The following ASIC2 variants were observed in gnomAD, a reference collection of about 807,000 sequenced individuals.
ASIC2 encodes the protein acid-sensing ion channel 2.
ASIC2 carries 25 observed loss-of-function variants against 57.3 expected under a neutral mutation model. The observed-to-expected ratio is 0.44, with a 90% confidence interval of 0.32 to 0.61. The LOEUF is 0.61. ASIC2 is among the 20% of genes least tolerant of loss of function. The pLI, the probability that ASIC2 is intolerant of heterozygous loss-of-function variation, is 0.06. For synonymous variants in ASIC2, 319 were observed against 307.5 expected (o/e 1.04, Z -0.39); for missense variants, 641 against 738.1 (o/e 0.87, Z 1.52).
intron 1 of ASIC2, among the ~76,000 whole-genome samples, chr17:33,796,590 T>C (rs1911926123): frequency 6.6e-6 from 1 of 152,212 alleles, no homozygotes; most frequent in Non-Finnish European, 1.5e-5. Context: ...CTCTATATCA[T>C]GGTCAACTTT....
intron 3 of ASIC2, among the ~76,000 whole-genome samples, chr17:33,063,277 C>T (rs1221426449): frequency 6.6e-6 from 1 of 152,144 alleles, no homozygotes; most frequent in Non-Finnish European, 1.5e-5. Flanking sequence ...TACAATTTGT[C>T]ATGTTTTTGC....
intron 1 of ASIC2, among the ~76,000 whole-genome samples, chr17:33,355,859 C>T (rs1908354322): frequency 6.6e-6 from 1 of 152,090 alleles, no homozygotes; most frequent in Non-Finnish European, 1.5e-5. Flanking sequence ...CTTGTTTGCT[C>T]AGAGCTTAAA....
At chr17:34,128,790 G>T (rs1055648838) in intron 1 of ASIC2, among the ~76,000 whole-genome samples, 2 of 152,152 alleles carry the variant, frequency 1.3e-5, no homozygotes, top group Non-Finnish European at 2.9e-5. Context: ...GAAGAATGAG[G>T]TTGTGTCAGC....
At chr17:33,912,384 A>G (rs1016189837) in intron 1 of ASIC2, among the ~76,000 whole-genome samples, 1 of 151,722 alleles carries the variant, frequency 6.6e-6, no homozygotes, top group African/African-American at 2.4e-5. Flanking sequence ...TCCCAGCTAC[A>G]GGCAGGAGAA....
chr17:33,798,320 C>T (rs546990645), intron 1 of ASIC2, among the ~76,000 whole-genome samples: 9 of 152,254 alleles, frequency 5.9e-5, no homozygotes, highest in Non-Finnish European at 1.0e-4. Context: ...AGCTTTGCTG[C>T]GTGGAAGGGT....
At chr17:33,303,005 A>C (rs1303720557) in intron 1 of ASIC2, among the ~76,000 whole-genome samples, 1 of 152,204 alleles carries the variant, frequency 6.6e-6, no homozygotes, top group African/African-American at 2.4e-5. Flanking sequence ...TACTCTAACC[A>C]TTCACTAAGC....
intron 1 of ASIC2, among the ~76,000 whole-genome samples, chr17:33,927,406 G>A (rs934106277): frequency 6.6e-6 from 1 of 152,194 alleles, no homozygotes; most frequent in Non-Finnish European, 1.5e-5. Context: ...AATAAGCCAT[G>A]AGGGTTACAT....
intron 1 of ASIC2, among the ~76,000 whole-genome samples, chr17:33,307,779 G>A (rs532671011): frequency 2.4e-4 from 36 of 152,248 alleles, no homozygotes; most frequent in African/African-American, 8.2e-4. Context: ...TTTGAAAAAT[G>A]GAGATAATAA....
At chr17:34,094,483 T>C (rs1910448195) in intron 1 of ASIC2, among the ~76,000 whole-genome samples, 1 of 152,154 alleles carries the variant, frequency 6.6e-6, no homozygotes, top group Admixed American at 6.5e-5. Flanking sequence ...TCCAGTGTGG[T>C]TCTTACAACA....
intron 1 of ASIC2, among the ~76,000 whole-genome samples, chr17:33,483,483 G>A (rs1223713435): frequency 1.3e-5 from 2 of 152,210 alleles, no homozygotes; most frequent in African/African-American, 2.4e-5. Context: ...CTCACTCGGC[G>A]GGGCTCTGCA....
chr17:33,496,636 T>TTC (rs1913943262), intron 1 of ASIC2, among the ~76,000 whole-genome samples: 1 of 110,080 alleles, frequency 9.1e-6, no homozygotes, highest in Non-Finnish European at 1.8e-5. Flanking sequence ...TTTTTTTTTT[T>TTC]AGATGGGGTC....
intron 1 of ASIC2, among the ~76,000 whole-genome samples, chr17:33,461,192 C>A (rs1912622698): frequency 6.6e-6 from 1 of 152,218 alleles, no homozygotes; most frequent in Non-Finnish European, 1.5e-5. Flanking sequence ...CCCAAGGAAG[C>A]ACTCAGTGGG....
At chr17:33,732,006 A>G (rs147932538) in intron 1 of ASIC2, among the ~76,000 whole-genome samples, 14 of 152,348 alleles carry the variant, frequency 9.2e-5, no homozygotes, top group Non-Finnish European at 1.5e-4. Context: ...ATGTATCATG[A>G]ATGCATGGGG....
chr17:33,822,042 G>T (rs1036499552), intron 1 of ASIC2, among the ~76,000 whole-genome samples: 2 of 152,142 alleles, frequency 1.3e-5, no homozygotes, highest in Non-Finnish European at 2.9e-5. Context: ...CTACCTATGT[G>T]TTTCTGACCA....
chr17:33,444,575 C>T (rs1240157910), intron 1 of ASIC2, among the ~76,000 whole-genome samples: 1 of 150,172 alleles, frequency 6.7e-6, no homozygotes, highest in Non-Finnish European at 1.5e-5. Flanking sequence ...ATCCCAGGCT[C>T]CCTCCCCCGG....
chr17:33,398,839 G>A (rs1910176239), intron 1 of ASIC2, among the ~76,000 whole-genome samples: 2 of 152,160 alleles, frequency 1.3e-5, no homozygotes, highest in South Asian at 2.1e-4. Context: ...AACCAAGATG[G>A]CAACTCAAGT....
At chr17:33,894,350 CGTGTGTGTGTGTGTGT>C (rs201934419) in intron 1 of ASIC2, among the ~76,000 whole-genome samples, 22 of 138,614 alleles carry the variant, frequency 1.6e-4, no homozygotes, top group South Asian at 4.9e-4. Flanking sequence ...TGCGTGCGTG[CGTGTGTGTGTGTGTGT>C]GTGTGTGTGT....
At position 33,135,280 on chromosome 17, in the gene ASIC2, A is replaced by C. The variant is rs138947361; in HGVS notation, c.709-23213T>G. On this transcript the variant is annotated intron_variant, in intron 1 of 9. Coordinates refer to ENST00000225823, the MANE Select transcript of ASIC2 (RefSeq NM_183377.2). ...TGCCACTGCTCTTCTGCCTGCCTGG[A>C]ATACCCTTTCCAGGAATACCCTGCC... 9.3e-4 allele frequency among the ~76,000 whole-genome samples: 142 copies of C among 152,196 alleles called. No individual in the cohort carries two copies. In the Middle Eastern group the frequency reaches 0.014, roughly 15 times the overall value.
At chr17:33,259,496 G>A (rs1909204173) in intron 1 of ASIC2, among the ~76,000 whole-genome samples, 1 of 151,908 alleles carries the variant, frequency 6.6e-6, no homozygotes, top group Non-Finnish European at 1.5e-5. Flanking sequence ...CTCAAATGTA[G>A]GGCTCACCAG....
Sources: gnomAD v4.1 joint callset for allele counts (sites outside exome capture counted in the v4.1 genomes callset) on GRCh38, gnomAD v4.1.1 for gene constraint, MANE v1.5 for transcripts, NCBI Gene and HGNC (gene_info 2026-07-23, HGNC 2026-07-21) for gene names.